APBB2: variants seen among roughly 807,000 people sequenced by gnomAD.
APBB2 encodes the protein Fe65-like 1.
Under a neutral mutation model 82.5 loss-of-function variants are expected in APBB2, and 38 were observed. The observed-to-expected ratio is 0.46, with a 90% CI of 0.36 to 0.60. The LOEUF (loss-of-function observed/expected upper bound fraction) is 0.60. APBB2 is among the 20% of genes least tolerant of loss of function. The pLI is 0.00. For missense variants in APBB2, 772 were observed against 972.3 expected (o/e 0.79, Z 2.74); for synonymous variants, 341 against 368.2 (o/e 0.93, Z 0.85).
intron 12 of APBB2, among the ~76,000 whole-genome samples, chr4:40,884,416 A>G (rs1216443161): frequency 6.6e-6 from 1 of 152,248 alleles, no homozygotes; most frequent in Non-Finnish European, 1.5e-5. Flanking sequence ...AAAGAAGTCA[A>G]AACAAAGCAG....
At chr4:40,984,096 C>T (rs1799795343) in intron 6 of APBB2, among the ~76,000 whole-genome samples, 1 of 152,162 alleles carries the variant, frequency 6.6e-6, no homozygotes. Flanking sequence ...AGCAGCAGTG[C>T]ACAACTACCT....
intron 2 of APBB2, among the ~76,000 whole-genome samples, chr4:41,120,885 C>G (rs1018990166): frequency 6.6e-6 from 1 of 152,202 alleles, no homozygotes; most frequent in African/African-American, 2.4e-5. Context: ...TATCTAAAAA[C>G]TTCAGCTCTG....
chr4:40,976,493 T>TA (rs1205711080), intron 6 of APBB2, among the ~76,000 whole-genome samples: 4 of 152,246 alleles, frequency 2.6e-5, no homozygotes, highest in Non-Finnish European at 4.4e-5. Flanking sequence ...ATCTTTTAGT[T>TA]AAGGGACTGG....
chr4:40,830,992 T>C (rs1751679361), intron 12 of APBB2, among the ~76,000 whole-genome samples: 1 of 152,304 alleles, frequency 6.6e-6, no homozygotes, highest in African/African-American at 2.4e-5. Context: ...CCAGCTATTC[T>C]GGAGGGTGAG....
At chr4:40,859,268 C>T (rs1762173855) in intron 12 of APBB2, among the ~76,000 whole-genome samples, 1 of 150,698 alleles carries the variant, frequency 6.6e-6, no homozygotes, top group African/African-American at 2.4e-5. Flanking sequence ...GCCAACATCT[C>T]ATCAGGAGGG....
chr4:40,919,904 T>C (rs972086436), intron 10 of APBB2, among the ~76,000 whole-genome samples: 7 of 152,188 alleles, frequency 4.6e-5, no homozygotes, highest in African/African-American at 1.7e-4. Flanking sequence ...CACGGCTCAT[T>C]GCTGACAGTA....
chr4:41,198,274 C>A, intron 1 of APBB2, among the ~76,000 whole-genome samples: 1 of 152,142 alleles, frequency 6.6e-6, no homozygotes, highest in Non-Finnish European at 1.5e-5. Flanking sequence ...GAGGAATAAG[C>A]GCCTGATGGA....
intron 10 of APBB2, among the ~76,000 whole-genome samples, chr4:40,898,249 TTTA>T (rs758829152): frequency 1.3e-5 from 2 of 152,120 alleles, no homozygotes; most frequent in East Asian, 1.9e-4. Flanking sequence ...TTCGCAAATG[TTTA>T]TTATTATTTT....
intron 5 of APBB2, among the ~76,000 whole-genome samples, chr4:41,031,205 T>C (rs1716631141): frequency 1.3e-5 from 2 of 152,166 alleles, no homozygotes; most frequent in South Asian, 2.1e-4. Flanking sequence ...AGCCTGGGTG[T>C]CAGAGCAAGA....
At chr4:41,074,562 A>T (rs553420791) in intron 3 of APBB2, among the ~76,000 whole-genome samples, 1 of 152,188 alleles carries the variant, frequency 6.6e-6, no homozygotes, top group South Asian at 2.1e-4. Context: ...CGTCTGAAAC[A>T]GAAAAATATT....
At chr4:40,912,378 A>C (rs980192412) in intron 10 of APBB2, among the ~76,000 whole-genome samples, 1 of 152,210 alleles carries the variant, frequency 6.6e-6, no homozygotes, top group Non-Finnish European at 1.5e-5. Flanking sequence ...GGAGTTCGAG[A>C]CCAGCCTGGC....
At chr4:40,819,033 T>A (rs569061674) in intron 17 of APBB2, among the ~76,000 whole-genome samples, 1 of 152,088 alleles carries the variant, frequency 6.6e-6, no homozygotes, top group Admixed American at 6.5e-5. Flanking sequence ...CAATGTGCTG[T>A]ATGGGGTGGG....
At chr4:40,840,401 G>T (rs1468163838) in intron 12 of APBB2, among the ~76,000 whole-genome samples, 1 of 152,138 alleles carries the variant, frequency 6.6e-6, no homozygotes, top group Admixed American at 6.5e-5. Flanking sequence ...GAGAGTGGGA[G>T]GAATCAGGAA....
intron 4 of APBB2, among the ~76,000 whole-genome samples, chr4:41,058,221 C>T (rs1318420953): frequency 2.0e-5 from 3 of 151,614 alleles, no homozygotes; most frequent in African/African-American, 7.3e-5. Flanking sequence ...ACAAAAAGGA[C>T]ACTCTTTTAT....
chr4:40,982,120 G>A (rs1220146767), intron 6 of APBB2, among the ~76,000 whole-genome samples: 1 of 150,444 alleles, frequency 6.6e-6, no homozygotes, highest in Non-Finnish European at 1.5e-5. Context: ...AGGAGGTGGA[G>A]GTTGCAGTGA....
At chr4:40,856,371 AT>A (rs1222676516) in intron 12 of APBB2, among the ~76,000 whole-genome samples, 5 of 152,236 alleles carry the variant, frequency 3.3e-5, no homozygotes, top group Non-Finnish European at 7.3e-5. Flanking sequence ...CAATATTTAA[AT>A]CTTCACGCCT....
intron 3 of APBB2, among the ~76,000 whole-genome samples, chr4:41,072,165 C>T (rs1734123970): frequency 6.6e-6 from 1 of 152,152 alleles, no homozygotes; most frequent in Admixed American, 6.5e-5. Flanking sequence ...GAGCTGTGGC[C>T]GACTAGAGTC....
At chr4:41,169,792 T>C (rs995403185) in intron 1 of APBB2, among the ~76,000 whole-genome samples, 1 of 152,046 alleles carries the variant, frequency 6.6e-6, no homozygotes, top group Non-Finnish European at 1.5e-5. Flanking sequence ...TTTTATAGTA[T>C]TTTACCAGAG....
chr4:40,861,182 C>T (rs1762662807), intron 12 of APBB2, among the ~76,000 whole-genome samples: 1 of 152,000 alleles, frequency 6.6e-6, no homozygotes, highest in South Asian at 2.1e-4. Context: ...GGAACCCTGT[C>T]TCTACTAAAA....
Sources: allele counts gnomAD v4.1 joint callset (sites outside exome capture counted in the v4.1 genomes callset), GRCh38; gene constraint gnomAD v4.1.1; transcripts MANE v1.5; gene names NCBI Gene and HGNC (gene_info 2026-07-23, HGNC 2026-07-21).